EIF4E3: variants seen among roughly 807,000 people sequenced by gnomAD.
EIF4E3 encodes eukaryotic translation initiation factor 4E type 3.
In EIF4E3, 26 loss-of-function variants were observed where a neutral mutation model predicts 31.7. That is an observed-to-expected ratio of 0.82 (90% CI 0.60 to 1.14). EIF4E3 has a LOEUF of 1.14. Ranked by LOEUF, EIF4E3 falls within the 50% of genes most tolerant of loss-of-function variation. The pLI is 0.00. For synonymous variants in EIF4E3, 128 were observed against 107.7 expected, an observed-to-expected ratio of 1.19 and a Z score of -1.17; for missense variants, 304 against 270.9, an observed-to-expected ratio of 1.12 and a Z score of -0.86.
intron 4 of EIF4E3, among the ~76,000 whole-genome samples, chr3:71,694,468 T>C (rs183015257): frequency 3.9e-5 from 6 of 152,360 alleles, no homozygotes; most frequent in East Asian, 3.9e-4. Context: ...AGACTGTTTA[T>C]GGCAGGCGAT....
At chr3:71,719,850 C>CA (rs1477258909) in intron 1 of EIF4E3, among the ~76,000 whole-genome samples, 1 of 151,772 alleles carries the variant, frequency 6.6e-6, no homozygotes, top group Non-Finnish European at 1.5e-5. Flanking sequence ...CCTGTCTCTA[C>CA]AAAAAATACA....
At chr3:71,737,529 C>T (rs1439368546) in intron 1 of EIF4E3, among the ~76,000 whole-genome samples, 3 of 151,900 alleles carry the variant, frequency 2.0e-5, no homozygotes, top group Admixed American at 2.0e-4. Context: ...TCTCAATGAA[C>T]TCCAATCACA....
At chr3:71,720,395 A>G (rs2049529483) in intron 1 of EIF4E3, among the ~76,000 whole-genome samples, 1 of 151,788 alleles carries the variant, frequency 6.6e-6, no homozygotes, top group Non-Finnish European at 1.5e-5. Flanking sequence ...AGGTATTGCT[A>G]TGTTGCCTAG....
chr3:71,754,483 G>A, upstream of EIF4E3: 1 of 1,303,662 alleles, frequency 7.7e-7, no homozygotes, highest in South Asian at 2.1e-5. The surrounding 1 kb of genome is among the most constrained non-coding windows in gnomAD (Gnocchi z 5.8). Flanking sequence ...ATGCTGGTGT[G>A]CGCCGCCTGG....
the EIF4E3 span, among the ~76,000 whole-genome samples, chr3:71,663,110 G>A: frequency 6.6e-6 from 1 of 152,166 alleles, no homozygotes; most frequent in African/African-American, 2.4e-5. Flanking sequence ...CCCCTTGCAA[G>A]CCGCCATCCC....
intron 1 of EIF4E3, among the ~76,000 whole-genome samples, chr3:71,739,906 T>C (rs2049802795): frequency 6.6e-6 from 1 of 152,026 alleles, no homozygotes; most frequent in Non-Finnish European, 1.5e-5. Context: ...CTTTATAACA[T>C]GAATAAAAGA....
chr3:71,745,928 G>A (rs865902487), intron 1 of EIF4E3, among the ~76,000 whole-genome samples: 1 of 152,180 alleles, frequency 6.6e-6, no homozygotes, highest in African/African-American at 2.4e-5. Context: ...GTGATAACAT[G>A]TTAGTGTAGA....
At chr3:71,694,052 T>C (rs2049100938) in intron 4 of EIF4E3, 111 bp from the exon 5 acceptor site, 1 of 1,077,054 alleles carries the variant, frequency 9.3e-7, no homozygotes, top group Admixed American at 3.0e-5. Context: ...ATGCACTTTC[T>C]GTGCCCATAC....
intron 1 of EIF4E3, among the ~76,000 whole-genome samples, chr3:71,732,224 C>T (rs1370735796): frequency 6.6e-6 from 1 of 152,198 alleles, no homozygotes; most frequent in Non-Finnish European, 1.5e-5. Context: ...GACCTTTCTT[C>T]TCTCCTCTGA....
intron 1 of EIF4E3, among the ~76,000 whole-genome samples, chr3:71,716,947 T>C (rs1163107856): frequency 6.6e-6 from 1 of 152,232 alleles, no homozygotes; most frequent in African/African-American, 2.4e-5. Context: ...TTTAAAGATA[T>C]AATTGCTGCA....
upstream of EIF4E3, among the ~76,000 whole-genome samples, chr3:71,730,271 A>G (rs1215349136): frequency 1.3e-5 from 2 of 152,230 alleles, no homozygotes; most frequent in Admixed American, 1.3e-4. Context: ...AGATCCTGCC[A>G]TAGGTAAACC....
intron 1 of EIF4E3, among the ~76,000 whole-genome samples, chr3:71,741,820 T>A (rs2049823746): frequency 6.6e-6 from 1 of 152,226 alleles, no homozygotes. Flanking sequence ...AAGTATGTTC[T>A]CTGATACAGT....
At chr3:71,750,579 T>A (rs930472614) in intron 1 of EIF4E3, among the ~76,000 whole-genome samples, 3 of 152,182 alleles carry the variant, frequency 2.0e-5, no homozygotes. Context: ...TTCACAGTTA[T>A]AACAAAGAGG....
intron 6 of EIF4E3, among the ~76,000 whole-genome samples, chr3:71,687,525 G>A (rs1323601054): frequency 6.6e-6 from 1 of 152,176 alleles, no homozygotes; most frequent in Non-Finnish European, 1.5e-5. Context: ...CAGGAGAGCG[G>A]AGAGGGTAAC....
intron 2 of EIF4E3, among the ~76,000 whole-genome samples, chr3:71,709,853 G>A (rs1334628799): frequency 6.6e-6 from 1 of 151,990 alleles, no homozygotes; most frequent in African/African-American, 2.4e-5. Context: ...ATGGAGGTAG[G>A]TGCTACCATT....
At chr3:71,748,163 CTTG>C (rs2049891974) in intron 1 of EIF4E3, among the ~76,000 whole-genome samples, 1 of 151,830 alleles carries the variant, frequency 6.6e-6, no homozygotes, top group Admixed American at 6.6e-5. Context: ...CCAGTTGACT[CTTG>C]AACAACATGG....
intron 1 of EIF4E3, among the ~76,000 whole-genome samples, chr3:71,752,564 AT>A (rs2049941347): frequency 6.6e-6 from 1 of 152,122 alleles, no homozygotes; most frequent in Admixed American, 6.5e-5. Flanking sequence ...GAAAAAACAA[AT>A]GAGTGTGGGT....
At chr3:71,672,585 T>C (rs1029841024), downstream of EIF4E3, among the ~76,000 whole-genome samples, 26 of 152,278 alleles carry the variant, frequency 1.7e-4, no homozygotes, top group Admixed American at 1.4e-3. Flanking sequence ...GTAGTTCTTT[T>C]GTATCCATCT....
At chr3:71,674,636 C>G (rs1198681658), downstream of EIF4E3, among the ~76,000 whole-genome samples, 1 of 152,168 alleles carries the variant, frequency 6.6e-6, no homozygotes, top group Non-Finnish European at 1.5e-5. Context: ...CACCTCAACA[C>G]TGTTTGTTGT....
Sources: gnomAD v4.1 joint callset for allele counts (sites outside exome capture counted in the v4.1 genomes callset) on GRCh38, gnomAD v4.1.1 for gene constraint, Gnocchi (gnomAD v3.1) non-coding constraint, MANE v1.5 for transcripts, NCBI Gene and HGNC (gene_info 2026-07-23, HGNC 2026-07-21) for gene names.